Variants in PRNP observed in about 807,000 individuals in gnomAD.
The protein encoded by PRNP is prion protein (Kanno blood group), also known as major prion protein.
PRNP carries 15 observed loss-of-function variants against 21.3 expected under a neutral mutation model. The ratio of observed to expected loss-of-function variants is 0.71; its 90% CI spans 0.47 to 1.09. The LOEUF (loss-of-function observed/expected upper bound fraction) is 1.09, where lower values mean the gene tolerates loss of function less well. Ranked by LOEUF, PRNP falls within the 50% of genes least tolerant of loss-of-function variation. The probability of loss-of-function intolerance (pLI) is 0.00; values close to 1 mark genes in which losing one functional copy is unlikely to be tolerated. For missense variants in PRNP, 285 were observed against 340.9 expected, an observed-to-expected ratio of 0.84 and a Z score of 1.29; for synonymous variants, 121 against 123.1, an observed-to-expected ratio of 0.98 and a Z score of 0.11.
At position 4,692,319 on chromosome 20, in the gene PRNP, A is replaced by G. The variant is rs915083251; in HGVS notation, c.-11+5807A>G. ...GTTTTTCCCCATGAAATGTTTAACT[A>G]CAGCTGATTTAGGGACTCACTGAGT... is the stretch of plus-strand genomic sequence containing the variant. On this transcript the variant is annotated intron_variant, in intron 1 of 1. Transcript: ENST00000379440. Among the ~76,000 whole-genome samples the G allele has an allele frequency of 2.6e-5, 4 of 152,328 alleles. No individual in the cohort carries two copies. In the South Asian group the frequency reaches 6.2e-4, roughly 24 times the overall value.
Position 4,700,192 on chromosome 20 carries a change from TGA to T in PRNP, c.*212_*213del. ...AAGCCCCCTTTGATTGAGTTCATCATGAGCCGTTGCTAATGCCAGGCCAGTAA... is the reference window on the plus strand; with the variant it reads ...AAGCCCCCTTTGATTGAGTTCATCATGCCGTTGCTAATGCCAGGCCAGTAA... On this transcript the variant is annotated 3_prime_UTR_variant, in exon 2 of 2. Transcript: ENST00000379440. This position sits in a 1 kb window ranked among gnomAD's most constrained non-coding sequence, Gnocchi z 4.1. The T allele has an allele frequency of 1.4e-6, 2 of 1,476,510 alleles. No homozygotes were observed. The highest frequency in any genetic ancestry group is 1.8e-6 in the Non-Finnish European group (2 of 1,082,964). The allele number at this position is 1,476,510 out of a possible 1,614,324, so 91.5% of individuals were successfully genotyped here.
intron 1 of PRNP, among the ~76,000 whole-genome samples, chr20:4,696,441 A>G (rs183654322): frequency 1.3e-3 from 204 of 152,318 alleles, no homozygotes; most frequent in African/African-American, 4.3e-3. Flanking sequence ...CTGTAGAGGA[A>G]TGCCGTTGGT....
At position 4,699,121 on chromosome 20, in the gene PRNP, C is replaced by A; in HGVS notation, c.-10-90C>A. On this transcript the variant is annotated intron_variant, in intron 1 of 1. Coordinates refer to ENST00000379440, the MANE Select transcript of PRNP (RefSeq NM_000311.5). The surrounding 1 kb of genome is among the most constrained non-coding windows in gnomAD (Gnocchi z 5.8). ...CAGTGTTTCTACTGAGCAGCTGATA[C>A]CATTGCTATGCACTCATTCATTATG... The A allele has an allele frequency of 6.8e-7, 1 of 1,476,978 alleles. No homozygotes were observed. 91.5% of individuals were successfully genotyped at this position (1,476,978 alleles called of 1,614,324 possible).
Position 4,700,241 on chromosome 20 carries a change from T to C in PRNP, c.*259T>C. The C allele has an allele frequency of 1.7e-6, 2 of 1,174,364 alleles. No homozygotes were observed. The highest frequency in any genetic ancestry group is 1.3e-5 in the South Asian group (1 of 76,248). 72.7% of individuals were successfully genotyped at this position (1,174,364 alleles called of 1,614,324 possible). ...GTAAAAGTATAACAGCAAATAACCA[T>C]TGGTTAATCTGGACTTATTTTTGGA... On this transcript the variant is annotated 3_prime_UTR_variant, in exon 2 of 2. Transcript: ENST00000379440. This position sits in a 1 kb window ranked among gnomAD's most constrained non-coding sequence, Gnocchi z 4.1.
chr20:4,698,429 G>A (rs1001848976), intron 1 of PRNP, among the ~76,000 whole-genome samples: 1 of 152,128 alleles, frequency 6.6e-6, no homozygotes, highest in Non-Finnish European at 1.5e-5. Flanking sequence ...GGGTGATAAA[G>A]GTAAGGGGTT....
chr20:4,695,577 A>G (rs938654266), intron 1 of PRNP, among the ~76,000 whole-genome samples: 3 of 152,206 alleles, frequency 2.0e-5, no homozygotes, highest in East Asian at 3.8e-4. Context: ...ATACACGTGC[A>G]TGTGTCTTTG....
intron 1 of PRNP, among the ~76,000 whole-genome samples, chr20:4,687,337 T>TGGCCCCAGGTGCGATGGCG (rs1921530791): frequency 6.6e-6 from 1 of 152,136 alleles, no homozygotes; most frequent in African/African-American, 2.4e-5. Context: ...GTCTGCGGCC[T>TGGCCCCAGGTGCGATGGCG]GGCCCCAGGT....
rs974440979 is a variant in PRNP at position 4,699,974 on chromosome 20, G to A, written c.754G>A (p.Val252Met). The change falls in exon 2 of 2, where the codon GTG (valine) becomes ATG (methionine). Residue 252 changes from valine to methionine, a missense_variant. Transcript: ENST00000379440. This position sits in a 1 kb window ranked among gnomAD's most constrained non-coding sequence, Gnocchi z 5.8. The part of the protein sequence containing the change: ...LLISFLIFLI[V>M]G The stretch of plus-strand genomic sequence containing the variant: ...GATCTCTTTCCTCATCTTCCTGATA[G>A]TGGGATGAGGAAGGTCTTCCTGTTT... 5.0e-6 allele frequency: 8 copies of A among 1,609,958 alleles called. No individual in the cohort carries two copies. In the African/African-American group the frequency reaches 9.4e-5, roughly 19 times the overall value.
In PRNP at chr20:4,700,305, C is replaced by G; in HGVS notation, c.*323C>G. On this transcript the variant is annotated 3_prime_UTR_variant, in exon 2 of 2. Transcript: ENST00000379440. This position sits in a 1 kb window ranked among gnomAD's most constrained non-coding sequence, Gnocchi z 4.1. ...GTTGAGGCTAAAACAAATCTCAGAA[C>G]AGTCTGAAATACCTTTGCCTGGATA... 1.7e-6 allele frequency: 1 copy of G among 598,938 alleles called. No individual in the cohort carries two copies. Among genetic ancestry groups the G allele is most frequent in the East Asian group, 4.9e-5 (1 of 20,488 alleles). 37.1% of individuals were successfully genotyped at this position (598,938 alleles called of 1,614,324 possible). A position where few individuals can be genotyped will look rare whatever the true frequency, so the allele number is the denominator to read the frequency against.
rs898983339 is a variant in PRNP at position 4,686,540 on chromosome 20, G to GGCGGGGGCAGGGGAGCC, written c.-11+37_-11+53dup. On this transcript the variant is annotated intron_variant, in intron 1 of 1. Transcript: ENST00000379440. This position sits in a 1 kb window ranked among gnomAD's most constrained non-coding sequence, Gnocchi z 6.7. Reference sequence around the variant, plus strand: ...AAACGCCCGGGGTGGGAGGAACGCGGGCGGGGGCAGGGGAGCCGCGGGGGC... The same window carrying GGCGGGGGCAGGGGAGCC: ...AAACGCCCGGGGTGGGAGGAACGCGGGCGGGGGCAGGGGAGCCGCGGGGGCAGGGGAGCCGCGGGGGC... 24 of 152,008 alleles carry GGCGGGGGCAGGGGAGCC rather than the reference G, an allele frequency of 1.6e-4. No individual in the cohort carries two copies. Among genetic ancestry groups the GGCGGGGGCAGGGGAGCC allele is most frequent in the African/African-American group, 5.8e-4 (24 of 41,512 alleles). The allele number at this position is 152,008 out of a possible 1,614,324, so 9.4% of individuals were successfully genotyped here.
At chr20:4,689,606 C>T (rs1921693292) in intron 1 of PRNP, among the ~76,000 whole-genome samples, 1 of 152,198 alleles carries the variant, frequency 6.6e-6, no homozygotes, top group African/African-American at 2.4e-5. Flanking sequence ...TAACTTACTT[C>T]GTCCATTCTC....
intron 1 of PRNP, among the ~76,000 whole-genome samples, chr20:4,689,011 T>G (rs147430074): frequency 1.9e-3 from 285 of 152,366 alleles, no homozygotes; most frequent in African/African-American, 6.1e-3. Context: ...CCAACGTTGT[T>G]TCCTTTTTCA....
In PRNP at chr20:4,699,539, A is replaced by G. The variant is rs771466127; in HGVS notation, c.319A>G (p.Thr107Ala). The G allele has an allele frequency of 3.7e-6, 6 of 1,613,784 alleles. No homozygotes were observed. In the African/African-American group the frequency reaches 8.0e-5, roughly 22 times the overall value. Residue 107 changes from threonine (T) to alanine (A), a missense_variant, in exon 2 of 2, where the codon ACC becomes GCC. Coordinates refer to ENST00000379440, the MANE Select transcript of PRNP (RefSeq NM_000311.5). This position sits in a 1 kb window ranked among gnomAD's most constrained non-coding sequence, Gnocchi z 5.8. ...GTGGAACAAGCCGAGTAAGCCAAAAACCAACATGAAGCACATGGCTGGTGC... is the reference window on the plus strand; with the variant it reads ...GTGGAACAAGCCGAGTAAGCCAAAAGCCAACATGAAGCACATGGCTGGTGC... Reference protein sequence around the residue: ...SQWNKPSKPKTNMKHMAGAAA... With the variant: ...SQWNKPSKPKANMKHMAGAAA...
chr20:4,699,134 C>T lies in PRNP; in HGVS notation c.-10-77C>T, dbSNP rs2122226228. The T allele has an allele frequency of 6.5e-7, 1 of 1,537,254 alleles. No homozygotes were observed. Among genetic ancestry groups the T allele is most frequent in the East Asian group, 2.2e-5 (1 of 44,510 alleles). On this transcript the variant is annotated intron_variant, in intron 1 of 1. Transcript: ENST00000379440. This position sits in a 1 kb window ranked among gnomAD's most constrained non-coding sequence, Gnocchi z 5.8. ...GAGCAGCTGATACCATTGCTATGCA[C>T]TCATTCATTATGCAGGAAACATTTA...
intron 1 of PRNP, among the ~76,000 whole-genome samples, chr20:4,695,077 C>T (rs1922079185): frequency 1.3e-5 from 2 of 152,046 alleles, no homozygotes; most frequent in South Asian, 4.1e-4. Flanking sequence ...ATTGTGTACT[C>T]TTTCTATTAA....
At chr20:4,698,199 C>A (rs1166078558) in intron 1 of PRNP, among the ~76,000 whole-genome samples, 1 of 152,104 alleles carries the variant, frequency 6.6e-6, no homozygotes, top group Admixed American at 6.5e-5. Flanking sequence ...ACTGGCATGA[C>A]CTGAGTACTT....
Position 4,699,340 on chromosome 20 carries a change from G to A in PRNP, c.120G>A (p.Gly40=), listed in dbSNP as rs202102378. Reference sequence around the variant, plus strand: ...ACACTGGGGGCAGCCGATACCCGGGGCAGGGCAGCCCTGGAGGCAACCGCT... The same window carrying A: ...ACACTGGGGGCAGCCGATACCCGGGACAGGGCAGCCCTGGAGGCAACCGCT... ...GWNTGGSRYP[G]QGSPGGNRYP... Residue 40 remains glycine (G), a synonymous_variant, in exon 2 of 2, where the codon GGG becomes GGA. Coordinates refer to ENST00000379440, the MANE Select transcript of PRNP (RefSeq NM_000311.5). The surrounding 1 kb of genome is among the most constrained non-coding windows in gnomAD (Gnocchi z 5.8). 83 of 1,614,032 alleles carry A rather than the reference G, an allele frequency of 5.1e-5. No individual in the cohort carries two copies. In the Admixed American group the frequency reaches 7.3e-4, roughly 14 times the overall value.
In PRNP at chr20:4,699,275, C is replaced by G. The variant is rs1261971734; in HGVS notation, c.55C>G (p.Leu19Val). 2 of 1,613,952 alleles carry G rather than the reference C, an allele frequency of 1.2e-6. No individual in the cohort carries two copies. Among genetic ancestry groups the G allele is most frequent in the Non-Finnish European group, 1.7e-6 (2 of 1,180,050 alleles). Residue 19 changes from leucine to valine, a missense_variant, in exon 2 of 2, where the codon CTG becomes GTG. Coordinates refer to ENST00000379440, the MANE Select transcript of PRNP (RefSeq NM_000311.5). The surrounding 1 kb of genome is among the most constrained non-coding windows in gnomAD (Gnocchi z 5.8). ...TCTCTTTGTGGCCACATGGAGTGAC[C>G]TGGGCCTCTGCAAGAAGCGCCCGAA... ...LVLFVATWSD[L>V]GLCKKRPKPG...
chr20:4,699,254 T>C lies in PRNP; in HGVS notation c.34T>C (p.Phe12Leu). The C allele has an allele frequency of 6.2e-7, 1 of 1,614,136 alleles. No homozygotes were observed. The highest frequency in any genetic ancestry group is 8.5e-7 in the Non-Finnish European group (1 of 1,180,042). Residue 12 changes from phenylalanine to leucine, a missense_variant, in exon 2 of 2, where the codon TTT becomes CTT. Phe to Leu is a conservative substitution (Grantham distance 22, BLOSUM62 0). Coordinates refer to ENST00000379440, the MANE Select transcript of PRNP (RefSeq NM_000311.5). The surrounding 1 kb of genome is among the most constrained non-coding windows in gnomAD (Gnocchi z 5.8). Reference sequence around the variant, plus strand: ...CCTTGGCTGCTGGATGCTGGTTCTCTTTGTGGCCACATGGAGTGACCTGGG... The same window carrying C: ...CCTTGGCTGCTGGATGCTGGTTCTCCTTGTGGCCACATGGAGTGACCTGGG... ...ANLGCWMLVL[F>L]VATWSDLGLC...
Sources: allele counts gnomAD v4.1 joint callset (sites outside exome capture counted in the v4.1 genomes callset), GRCh38; gene constraint gnomAD v4.1.1; non-coding constraint Gnocchi (gnomAD v3.1); transcripts MANE v1.5; gene names NCBI Gene and HGNC (gene_info 2026-07-23, HGNC 2026-07-21).